The following SH3BP4 variants were observed in gnomAD, a reference collection of about 807,000 sequenced individuals.
The protein encoded by SH3BP4 is SH3 domain-binding protein 4.
SH3BP4 carries 33 observed loss-of-function variants against 65.5 expected under a neutral mutation model. The observed-to-expected ratio is 0.50, with a 90% CI of 0.38 to 0.67. SH3BP4 has a LOEUF of 0.67. SH3BP4 is among the 30% of genes least tolerant of loss of function. The pLI, the probability that SH3BP4 is intolerant of heterozygous loss-of-function variation, is 0.00. For missense variants in SH3BP4, 1,134 were observed against 1,261.4 expected (o/e 0.90, Z 1.53); for synonymous variants, 552 against 545.5 (o/e 1.01, Z -0.17).
chr2:235,014,983 C>A (rs970268106), intron 2 of SH3BP4, among the ~76,000 whole-genome samples: 2 of 152,222 alleles, frequency 1.3e-5, no homozygotes, highest in Non-Finnish European at 2.9e-5. Flanking sequence ...GGTGCTTGCT[C>A]ACAAGCATTT....
intron 2 of SH3BP4, among the ~76,000 whole-genome samples, chr2:235,031,740 C>A (rs1695208899): frequency 6.6e-6 from 1 of 152,218 alleles, no homozygotes; most frequent in Non-Finnish European, 1.5e-5. Flanking sequence ...TGGCATCTCA[C>A]CCTCTATGGG....
intron 2 of SH3BP4, among the ~76,000 whole-genome samples, chr2:235,023,361 A>G (rs1694901245): frequency 6.6e-6 from 1 of 152,196 alleles, no homozygotes; most frequent in South Asian, 2.1e-4. Context: ...AGCCTGGCCA[A>G]CATAGTGAAA....
intron 2 of SH3BP4, among the ~76,000 whole-genome samples, chr2:235,028,050 CT>C (rs995811095): frequency 2.6e-4 from 39 of 152,330 alleles, no homozygotes; most frequent in Admixed American, 9.8e-4. Flanking sequence ...GTGATGTTGT[CT>C]GTTCAGACGC....
intron 1 of SH3BP4, among the ~76,000 whole-genome samples, chr2:234,989,115 C>T (rs187065079): frequency 2.0e-5 from 3 of 152,194 alleles, no homozygotes; most frequent in East Asian, 1.9e-4. Flanking sequence ...TTGGTTGTCT[C>T]GGAGTGGAAT....
intron 1 of SH3BP4, among the ~76,000 whole-genome samples, chr2:234,961,040 G>T (rs1415812414): frequency 2.0e-5 from 3 of 152,178 alleles, no homozygotes; most frequent in African/African-American, 7.2e-5. Context: ...GTGGGAAAGA[G>T]CAGGGGGTGT....
chr2:235,014,935 C>G (rs1357479887), intron 2 of SH3BP4, among the ~76,000 whole-genome samples: 1 of 152,216 alleles, frequency 6.6e-6, no homozygotes, highest in East Asian at 1.9e-4. Flanking sequence ...CAGTATTATC[C>G]TCTCCCTGAC....
At chr2:235,008,773 C>G (rs911094679) in intron 2 of SH3BP4, among the ~76,000 whole-genome samples, 3 of 152,226 alleles carry the variant, frequency 2.0e-5, no homozygotes, top group Non-Finnish European at 4.4e-5. Context: ...TCTATTTTAT[C>G]TCCACCTGGT....
chr2:234,969,504 C>T (rs1173894685), intron 1 of SH3BP4, among the ~76,000 whole-genome samples: 2 of 152,226 alleles, frequency 1.3e-5, no homozygotes, highest in Admixed American at 6.5e-5. Context: ...TCAGCAGACA[C>T]GCACAGGCTG....
chr2:234,978,168 C>G lies in SH3BP4; in HGVS notation c.-206-17135C>G, dbSNP rs1205578331. Among the ~76,000 whole-genome samples, 1 of 152,108 alleles carries G rather than the reference C, an allele frequency of 6.6e-6. No homozygotes were observed. The highest frequency in any genetic ancestry group is 1.5e-5 in the Non-Finnish European group (1 of 68,020). ...AAGGGGTTTCACCATGTTGGCCAGG[C>G]TGGAATCGAACTCCCGACCTCAGGT... is the stretch of plus-strand genomic sequence containing the variant. On this transcript the variant is annotated intron_variant, in intron 1 of 5. Transcript: ENST00000392011. This position sits in a 1 kb window ranked among gnomAD's most constrained non-coding sequence, Gnocchi z 4.1.
chr2:235,038,381 ATATATAT>A lies in SH3BP4; in HGVS notation c.119-2506_119-2500del, dbSNP rs1272427036. 3.9e-3 allele frequency among the ~76,000 whole-genome samples: 158 copies of A among 40,408 alleles called. 16 individuals carry two copies. The highest frequency in any genetic ancestry group is 0.019 in the African/African-American group (151 of 7,750). 26.5% of individuals were successfully genotyped at this position (40,408 alleles called of 152,430 possible). A position where few individuals can be genotyped will look rare whatever the true frequency, so the allele number is the denominator to read the frequency against. ...ATATATATATAATATATATACATAT[ATATATAT>A]ATATATATATATATATATATATATA... On this transcript the variant is annotated intron_variant, in intron 3 of 5. Transcript: ENST00000392011.
intron 4 of SH3BP4, among the ~76,000 whole-genome samples, chr2:235,048,361 C>T (rs755329278): frequency 1.2e-4 from 19 of 152,146 alleles, no homozygotes; most frequent in Admixed American, 4.6e-4. Context: ...GAAAAGGTCT[C>T]GCTCTGTCTC....
rs1314540375 is a variant in SH3BP4 at position 235,046,577 on chromosome 2, TAAAG to T, written c.2478+3331_2478+3334del. 6.6e-6 allele frequency among the ~76,000 whole-genome samples: 1 copy of T among 151,714 alleles called. No homozygotes were observed. The highest frequency in any genetic ancestry group is 1.5e-5 in the Non-Finnish European group (1 of 67,942). On this transcript the variant is annotated intron_variant, in intron 4 of 5. Coordinates refer to ENST00000392011, the MANE Select transcript of SH3BP4 (RefSeq NM_014521.3). The surrounding 1 kb of genome is among the most constrained non-coding windows in gnomAD (Gnocchi z 4.2). The stretch of plus-strand genomic sequence containing the variant: ...ACAGAGTGAAACCCTGTCTTGAAAA[TAAAG>T]GAAGAGAAGAAAAGAAACAAGTTTG...
chr2:235,001,694 A>G (rs1245599903), intron 2 of SH3BP4, among the ~76,000 whole-genome samples: 1 of 152,198 alleles, frequency 6.6e-6, no homozygotes, highest in Non-Finnish European at 1.5e-5. Context: ...AGAAACCCAC[A>G]GTCCAGGGCA....
rs561471733 is a variant in SH3BP4, at chr2:234,954,901, C to T, written c.-207+2731C>T. On this transcript the variant is annotated intron_variant, in intron 1 of 5. Transcript: ENST00000392011. The stretch of plus-strand genomic sequence containing the variant: ...TCCAGAGTGCGGCCCTGGCAGACCT[C>T]GTCCCTGGACCCTGGCTCCAGGCAG... Among the ~76,000 whole-genome samples the T allele has an allele frequency of 7.2e-5, 11 of 152,262 alleles. No individual in the cohort carries two copies. The South Asian group carries it at 2.3e-3, about 32-fold the overall frequency.
chr2:234,980,191 G>A (rs918616871), intron 1 of SH3BP4, among the ~76,000 whole-genome samples: 1 of 152,060 alleles, frequency 6.6e-6, no homozygotes, highest in Non-Finnish European at 1.5e-5. Flanking sequence ...GGGGATACAG[G>A]GCCCCCAGAA....
Position 235,041,689 on chromosome 2 carries a change from C to T in SH3BP4, c.920C>T (p.Pro307Leu). ...GACCTGGACTTGCTTGGCCAAAGCC[C>T]TGGTTGGGGCCAGACCCAAGCCGTG... The part of the protein sequence containing the change: ...CHDLDLLGQS[P>L]GWGQTQAVET... Residue 307 changes from proline to leucine, a missense_variant, in exon 4 of 6, where the codon CCT (proline) becomes CTT (leucine). Pro to Leu is a moderately conservative substitution (Grantham distance 98). Coordinates refer to ENST00000392011, the MANE Select transcript of SH3BP4 (RefSeq NM_014521.3). The surrounding 1 kb of genome is among the most constrained non-coding windows in gnomAD (Gnocchi z 6.0). 1 of 1,613,262 alleles carries T rather than the reference C, an allele frequency of 6.2e-7. No homozygotes were observed. The highest frequency in any genetic ancestry group is 8.5e-7 in the Non-Finnish European group (1 of 1,179,554).
chr2:235,010,134 C>A (rs1694431147), intron 2 of SH3BP4, among the ~76,000 whole-genome samples: 1 of 152,156 alleles, frequency 6.6e-6, no homozygotes, highest in South Asian at 2.1e-4. Flanking sequence ...AGATTAGAGA[C>A]CCCTCCCCAT....
At chr2:235,036,225 C>A (rs1695374415) in intron 3 of SH3BP4, among the ~76,000 whole-genome samples, 1 of 152,206 alleles carries the variant, frequency 6.6e-6, no homozygotes, top group East Asian at 1.9e-4. Flanking sequence ...TGTAAATGTT[C>A]TTTAAAAGAA....
In SH3BP4 at chr2:235,026,489, TC is replaced by T. The variant is rs980694752; in HGVS notation, c.-132-8380del. On this transcript the variant is annotated intron_variant, in intron 2 of 5. Transcript: ENST00000392011. This position sits in a 1 kb window ranked among gnomAD's most constrained non-coding sequence, Gnocchi z 4.6. ...CAGAGAACCTTAGCGCTCCTTCCCC[TC>T]CAGGTCTTCCATTCTTTTGTTGATT... Among the ~76,000 whole-genome samples the T allele has an allele frequency of 6.6e-6, 1 of 152,158 alleles. No individual in the cohort carries two copies. The highest frequency in any genetic ancestry group is 2.4e-5 in the African/African-American group (1 of 41,428).
Sources: allele counts gnomAD v4.1 joint callset (sites outside exome capture counted in the v4.1 genomes callset), GRCh38; gene constraint gnomAD v4.1.1; non-coding constraint Gnocchi (gnomAD v3.1); transcripts MANE v1.5; gene names NCBI Gene and HGNC (gene_info 2026-07-23, HGNC 2026-07-21).